Variants in DNAH6 observed in about 807,000 individuals in gnomAD.
DNAH6 encodes axonemal beta dynein heavy chain 6.
A neutral mutation model predicts 491.4 loss-of-function variants in DNAH6; 340 were observed. That is an observed-to-expected ratio of 0.69 (90% CI 0.63 to 0.76). The LOEUF (loss-of-function observed/expected upper bound fraction) is 0.76, where lower values mean the gene tolerates loss of function less well. Among genes scored for constraint, DNAH6 ranks in the 30% least tolerant of loss-of-function variants. DNAH6 has a pLI of 0.00. For synonymous variants in DNAH6, 1,603 were observed against 1,686.1 expected, an observed-to-expected ratio of 0.95 and a Z score of 1.21; for missense variants, 4,443 against 4,972.2, an observed-to-expected ratio of 0.89 and a Z score of 3.20.
At chr2:84,473,956 A>G in the DNAH6 span, among the ~76,000 whole-genome samples, 397 of 152,312 alleles carry the variant, frequency 2.6e-3, 2 homozygotes, top group African/African-American at 9.4e-3. Context: ...CTTTCCTGAC[A>G]TAAGTTTGGC....
chr2:84,553,345 C>CTTTCT (rs376241217), intron 10 of DNAH6, among the ~76,000 whole-genome samples: 1 of 101,966 alleles, frequency 9.8e-6, no homozygotes, highest in Non-Finnish European at 2.0e-5. Flanking sequence ...ATACCTTTTC[C>CTTTCT]TTTCTTTTCT....
chr2:84,708,345 C>T (rs1262521048), intron 54 of DNAH6, among the ~76,000 whole-genome samples: 8 of 151,056 alleles, frequency 5.3e-5, no homozygotes, highest in Admixed American at 3.3e-4. Flanking sequence ...CTGGGGAGGC[C>T]GAGGCTGGAA....
intron 63 of DNAH6, among the ~76,000 whole-genome samples, chr2:84,754,065 A>G (rs1673751108): frequency 6.6e-6 from 1 of 151,960 alleles, no homozygotes; most frequent in Admixed American, 6.5e-5. Context: ...CTCAGGATCC[A>G]CCTGCCTTGG....
chr2:84,621,249 T>A lies in DNAH6; in HGVS notation c.3851T>A (p.Val1284Glu), dbSNP rs1017839804. Reference sequence around the variant, plus strand: ...AATGTAGAGGAATGGCTTGGTAAAGTGGAAGAAGCCATGTTCACATCTCTG... The same window carrying A: ...AATGTAGAGGAATGGCTTGGTAAAGAGGAAGAAGCCATGTTCACATCTCTG... ...RGNVEEWLGK[V>E]EEAMFTSLRR... Residue 1284 changes from valine to glutamate, a missense_variant, in exon 25 of 77, where the codon GTG (valine) becomes GAG (glutamate). Val to Glu is a moderately radical substitution (Grantham distance 121). Around this residue, in one of 3 missense-constraint regions of DNAH6, gnomAD observed 2,977 missense variants for 3,296.6 expected, o/e 0.90. Coordinates refer to ENST00000389394, the MANE Select transcript of DNAH6 (RefSeq NM_001370.2). 6.4e-7 allele frequency: 1 copy of A among 1,551,606 alleles called. No homozygotes were observed. Among genetic ancestry groups the A allele is most frequent in the South Asian group, 1.2e-5 (1 of 84,060 alleles).
upstream of DNAH6, among the ~76,000 whole-genome samples, chr2:84,514,721 G>A (rs527329044): frequency 2.0e-5 from 3 of 152,280 alleles, no homozygotes; most frequent in South Asian, 4.1e-4. Flanking sequence ...CATTGATTTA[G>A]TAAGTGGTCA....
chr2:84,678,270 A>C (rs375072971), intron 41 of DNAH6, among the ~76,000 whole-genome samples: 1 of 152,196 alleles, frequency 6.6e-6, no homozygotes, highest in East Asian at 1.9e-4. Flanking sequence ...AAAAGATGGG[A>C]GCTTCACTCC....
chr2:84,686,692 G>A (rs936628089), intron 44 of DNAH6, 135 bp downstream of exon 44: 2 of 565,806 alleles, frequency 3.5e-6, no homozygotes, highest in Non-Finnish European at 6.2e-6. Context: ...GCAAACTATG[G>A]CCCATGAGCC....
At chr2:84,792,300 T>C (rs1677834740) in intron 68 of DNAH6, among the ~76,000 whole-genome samples, 1 of 152,228 alleles carries the variant, frequency 6.6e-6, no homozygotes, top group African/African-American at 2.4e-5. Context: ...AGATCTGTTG[T>C]ACAATATAGC....
At chr2:84,607,150 C>A in intron 21 of DNAH6, 55 bp downstream of exon 21, 2 of 1,456,054 alleles carry the variant, frequency 1.4e-6, no homozygotes, top group Non-Finnish European at 1.9e-6. Flanking sequence ...GTCACAAGGA[C>A]CTTAGAAATT....
intron 34 of DNAH6, among the ~76,000 whole-genome samples, chr2:84,654,101 G>A (rs949824643): frequency 6.6e-6 from 1 of 150,870 alleles, no homozygotes; most frequent in Non-Finnish European, 1.5e-5. Flanking sequence ...CCTGAGAGAG[G>A]GAGAGAGAGA....
intron 62 of DNAH6, among the ~76,000 whole-genome samples, chr2:84,740,325 A>G (rs1188817165): frequency 6.6e-6 from 1 of 152,152 alleles, no homozygotes; most frequent in Non-Finnish European, 1.5e-5. Flanking sequence ...GAAGTACAAA[A>G]AGCACCTCTG....
At position 84,677,071 on chromosome 2, in the gene DNAH6, A is replaced by G. The variant is rs1380839034; in HGVS notation, c.6679A>G (p.Ile2227Val). The stretch of plus-strand genomic sequence containing the variant: ...CCGCAACCCTGTGACTCCCCGCTTC[A>G]TCAGACACTTCAGCATGCTGTGCCT... Reference protein sequence around the residue: ...GGRNPVTPRFIRHFSMLCLPM... With the variant: ...GGRNPVTPRFVRHFSMLCLPM... Residue 2227 changes from isoleucine to valine, a missense_variant, in exon 41 of 77, where the codon ATC becomes GTC. By Grantham distance (29) the Ile-to-Val change is conservative. Coordinates refer to ENST00000389394, the MANE Select transcript of DNAH6 (RefSeq NM_001370.2). 3.2e-6 allele frequency: 5 copies of G among 1,551,782 alleles called. No individual in the cohort carries two copies. Among genetic ancestry groups the G allele is most frequent in the African/African-American group, 1.4e-5 (1 of 73,194 alleles).
At chr2:84,787,672 A>G (rs1677340712) in intron 68 of DNAH6, among the ~76,000 whole-genome samples, 1 of 152,202 alleles carries the variant, frequency 6.6e-6, no homozygotes, top group Non-Finnish European at 1.5e-5. Flanking sequence ...GAGGCACACC[A>G]TTTACAAAGT....
intron 59 of DNAH6, among the ~76,000 whole-genome samples, chr2:84,721,661 A>G (rs537838243): frequency 1.4e-4 from 21 of 152,340 alleles, no homozygotes; most frequent in Non-Finnish European, 2.5e-4. Context: ...TTAAAAATAT[A>G]CTATTAAAAT....
At chr2:84,765,557 A>C (rs1674999535) in intron 64 of DNAH6, among the ~76,000 whole-genome samples, 1 of 152,076 alleles carries the variant, frequency 6.6e-6, no homozygotes, top group Non-Finnish European at 1.5e-5. Context: ...AAGTGTTAAA[A>C]TTTTAGGGGA....
At chr2:84,748,209 G>GA (rs35771495) in intron 63 of DNAH6, among the ~76,000 whole-genome samples, 15,859 of 152,118 alleles carry the variant, frequency 0.1, 862 homozygotes, top group Non-Finnish European at 0.11. Flanking sequence ...ATCCTTTCCT[G>GA]AAAATGCTCT....
At chr2:84,556,742 G>A (rs1680063589) in intron 10 of DNAH6, among the ~76,000 whole-genome samples, 1 of 152,072 alleles carries the variant, frequency 6.6e-6, no homozygotes, top group Non-Finnish European at 1.5e-5. Context: ...CTTACCATGA[G>A]GTTATGTACA....
intron 37 of DNAH6, among the ~76,000 whole-genome samples, chr2:84,662,344 C>T (rs1027427113): frequency 6.6e-6 from 1 of 152,178 alleles, no homozygotes; most frequent in Non-Finnish European, 1.5e-5. Context: ...GGGTAATTCC[C>T]TTTCCTAGCC....
chr2:84,555,852 T>C (rs1023532606), intron 10 of DNAH6, among the ~76,000 whole-genome samples: 2 of 152,098 alleles, frequency 1.3e-5, no homozygotes, highest in Non-Finnish European at 2.9e-5. Flanking sequence ...TGAGATCAGA[T>C]CATCAGCTCT....
Sources: gnomAD v4.1 joint callset for allele counts (sites outside exome capture counted in the v4.1 genomes callset) on GRCh38, gnomAD v4.1.1 for gene constraint, gnomAD v4.1.1 regional missense constraint, MANE v1.5 for transcripts, NCBI Gene and HGNC (gene_info 2026-07-23, HGNC 2026-07-21) for gene names.